The following KCNJ15 variants were observed in gnomAD, a reference collection of about 807,000 sequenced individuals.
The protein encoded by KCNJ15 is ATP-sensitive inward rectifier potassium channel 15.
In KCNJ15, 14 loss-of-function variants were observed where a neutral mutation model predicts 23.0. The ratio of observed to expected loss-of-function variants is 0.61; its 90% CI spans 0.40 to 0.95. The LOEUF (loss-of-function observed/expected upper bound fraction) is 0.95, where lower values mean the gene tolerates loss of function less well. Among genes scored for constraint, KCNJ15 ranks in the 40% least tolerant of loss-of-function variants. KCNJ15 has a pLI of 0.00. For missense variants in KCNJ15, 388 were observed against 461.8 expected (o/e 0.84, Z 1.46); for synonymous variants, 185 against 183.2 (o/e 1.01, Z -0.08).
rs1483310902 is a variant in KCNJ15 at position 38,244,678 on chromosome 21, C to A, written c.-398-12368C>A. Among the ~76,000 whole-genome samples the A allele has an allele frequency of 2.6e-5, 4 of 152,168 alleles. No homozygotes were observed. In the South Asian group the frequency reaches 8.3e-4, roughly 31 times the overall value. On this transcript the variant is annotated intron_variant, in intron 1 of 4. Coordinates refer to the KCNJ15 transcript ENST00000547341. ...CTAACCATGCCAAAAACATCATTATCTCTGGTTCCATCTTAGTCCCTGCAC... is the reference window on the plus strand; with the variant it reads ...CTAACCATGCCAAAAACATCATTATATCTGGTTCCATCTTAGTCCCTGCAC...
chr21:38,302,271 G>A lies in KCNJ15; in HGVS notation c.*1882G>A, dbSNP rs989997803. 2 of 152,214 alleles carry A rather than the reference G, an allele frequency of 1.3e-5. No homozygotes were observed. The highest frequency in any genetic ancestry group is 4.8e-5 in the African/African-American group (2 of 41,454). The allele number at this position is 152,214 out of a possible 1,614,324, so 9.4% of individuals were successfully genotyped here. A position where few individuals can be genotyped will look rare whatever the true frequency, so the allele number is the denominator to read the frequency against. On this transcript the variant is annotated 3_prime_UTR_variant, in exon 3 of 3. Transcript: ENST00000398938. ...GATTCAGGTTATCAGTGAAATGATG[G>A]TATAGATTACAGCAAATCTGGATAT...
chr21:38,263,873 A>G (rs1981185737), intron 1 of KCNJ15, among the ~76,000 whole-genome samples: 1 of 152,096 alleles, frequency 6.6e-6, no homozygotes. Flanking sequence ...CCTTATTCCT[A>G]AAAGAATTTA....
intron 1 of KCNJ15, among the ~76,000 whole-genome samples, chr21:38,278,600 T>C (rs1982983749): frequency 1.3e-5 from 2 of 152,078 alleles, no homozygotes. Context: ...TAGGCAATCA[T>C]GTAGAGAAAG....
At chr21:38,238,455 C>A in intron 1 of KCNJ15, 1 of 664,622 alleles carries the variant, frequency 1.5e-6, no homozygotes. Context: ...TGTCCTTGGC[C>A]TGGCGGTCTC....
chr21:38,290,858 C>T (rs895020609), intron 1 of KCNJ15, among the ~76,000 whole-genome samples: 4 of 152,082 alleles, frequency 2.6e-5, no homozygotes, highest in Non-Finnish European at 4.4e-5. Flanking sequence ...TTGTTTCCAG[C>T]TCTAACCTTG....
intron 1 of KCNJ15, among the ~76,000 whole-genome samples, chr21:38,264,005 A>G (rs1007011915): frequency 3.3e-5 from 5 of 152,182 alleles, no homozygotes; most frequent in African/African-American, 9.7e-5. Flanking sequence ...AATTTGAACT[A>G]TTTTTAAAAA....
Position 38,251,660 on chromosome 21 carries a change from A to AT in KCNJ15, c.-398-5380dup, listed in dbSNP as rs532635336. Among the ~76,000 whole-genome samples the AT allele has an allele frequency of 1.1e-4, 16 of 152,252 alleles. No homozygotes were observed. The East Asian group carries it at 3.1e-3, about 29-fold the overall frequency. Reference sequence around the variant, plus strand: ...GTATTAATGCTTTCATTTTCCAATTATTTTTTATTGCATTTAACAGCTGAC... The same window carrying AT: ...GTATTAATGCTTTCATTTTCCAATTATTTTTTTATTGCATTTAACAGCTGAC... On this transcript the variant is annotated intron_variant, in intron 1 of 4. Coordinates refer to the KCNJ15 transcript ENST00000547341.
Position 38,279,081 on chromosome 21 carries a change from C to T in KCNJ15, c.-116-17845C>T, listed in dbSNP as rs929521866. Among the ~76,000 whole-genome samples, 8 of 152,230 alleles carry T rather than the reference C, an allele frequency of 5.3e-5. 1 individual carries two copies. Among genetic ancestry groups the T allele is most frequent in the South Asian group, 4.1e-4 (2 of 4,822 alleles). ...AAGAAAATGTGTGGATCTAAACCAA[C>T]GCAGTGACAGTGGGAAGGGAGAAAA... On this transcript the variant is annotated intron_variant, in intron 1 of 2. Coordinates refer to ENST00000398938, the MANE Select transcript of KCNJ15 (RefSeq NM_170736.3).
intron 1 of KCNJ15, among the ~76,000 whole-genome samples, chr21:38,250,509 C>A (rs1979751782): frequency 1.3e-5 from 2 of 152,180 alleles, no homozygotes; most frequent in Admixed American, 6.5e-5. Context: ...GGGGCCTGAT[C>A]TATGCTCAGG....
At chr21:38,236,891 A>G (rs548677412) in intron 1 of KCNJ15, among the ~76,000 whole-genome samples, 3 of 152,286 alleles carry the variant, frequency 2.0e-5, no homozygotes, top group Non-Finnish European at 2.9e-5. Flanking sequence ...TTCAACTATA[A>G]GCGGCTGCAC....
intron 1 of KCNJ15, among the ~76,000 whole-genome samples, chr21:38,232,805 G>A (rs923594613): frequency 6.6e-6 from 1 of 151,668 alleles, no homozygotes; most frequent in Non-Finnish European, 1.5e-5. Flanking sequence ...CAATGTCATT[G>A]GAGAATATAC....
Position 38,299,362 on chromosome 21 carries a change from GGCACA to G in KCNJ15, c.105_109del (p.His35GlnfsTer5). On this transcript the variant is annotated frameshift_variant, in exon 3 of 3. Transcript: ENST00000398938. LOFTEE classifies it high-confidence loss of function. This position sits in a 1 kb window ranked among gnomAD's most constrained non-coding sequence, Gnocchi z 4.5. Reference sequence around the variant, plus strand: ...AGACCCCGCGTCATGTCCAAGAGTGGGCACAGCAACGTGAGAATTGACAAAGTGGA... The same window carrying G: ...AGACCCCGCGTCATGTCCAAGAGTGGGCAACGTGAGAATTGACAAAGTGGA... 1 of 1,614,152 alleles carries G rather than the reference GGCACA, an allele frequency of 6.2e-7. No homozygotes were observed. Among genetic ancestry groups the G allele is most frequent in the South Asian group, 1.1e-5 (1 of 91,082 alleles).
chr21:38,267,477 A>G (rs989515757), intron 1 of KCNJ15: 3 of 152,292 alleles, frequency 2.0e-5, no homozygotes, highest in Non-Finnish European at 4.4e-5. Flanking sequence ...AGGATGGGGA[A>G]GAAGAAAAAC....
At position 38,303,721 on chromosome 21, in the gene KCNJ15, C is replaced by T. The variant is rs922787875; in HGVS notation, c.*3332C>T. The T allele has an allele frequency of 6.6e-6, 1 of 152,022 alleles. No individual in the cohort carries two copies. Among genetic ancestry groups the T allele is most frequent in the African/African-American group, 2.4e-5 (1 of 41,370 alleles). 9.4% of individuals were successfully genotyped at this position (152,022 alleles called of 1,614,324 possible). On this transcript the variant is annotated 3_prime_UTR_variant, in exon 3 of 3. Transcript: ENST00000398938. ...GGATTTTTATTTGAATTAAATTTCCCAATTTTTAATAGACTGTGATTTCAA... is the reference window on the plus strand; with the variant it reads ...GGATTTTTATTTGAATTAAATTTCCTAATTTTTAATAGACTGTGATTTCAA...
chr21:38,288,018 GTTTTTTTCTTTGTTTTTT>G (rs970946822), intron 1 of KCNJ15, among the ~76,000 whole-genome samples: 1 of 26,018 alleles, frequency 3.8e-5, no homozygotes, highest in Non-Finnish European at 1.0e-4. Context: ...TAAATAACTT[GTTTTTTTCTTTGTTTTTT>G]TTTTTTTTTT....
chr21:38,243,494 T>A (rs1039171670), intron 1 of KCNJ15, among the ~76,000 whole-genome samples: 64 of 152,264 alleles, frequency 4.2e-4, no homozygotes, highest in Admixed American at 7.8e-4. Flanking sequence ...TGATCTCGGC[T>A]CACTGCAACC....
intron 1 of KCNJ15, among the ~76,000 whole-genome samples, chr21:38,265,666 T>A (rs959617178): frequency 6.6e-6 from 1 of 152,192 alleles, no homozygotes; most frequent in African/African-American, 2.4e-5. Context: ...TTAGAAGATA[T>A]AAGTGACATC....
At chr21:38,257,445 C>T (rs879476486) in intron 1 of KCNJ15, among the ~76,000 whole-genome samples, 5 of 152,114 alleles carry the variant, frequency 3.3e-5, no homozygotes, top group African/African-American at 4.8e-5. Flanking sequence ...GTCTTGTTTG[C>T]GGTGGGTGTA....
rs532437501 is a variant in KCNJ15 at position 38,286,229 on chromosome 21, C to T, written c.-116-10697C>T. On this transcript the variant is annotated intron_variant, in intron 1 of 2. Coordinates refer to ENST00000398938, the MANE Select transcript of KCNJ15 (RefSeq NM_170736.3). ...CTGCACTCCAGCCCAGGTGACAGAGCGAGACTCCGTCTCAAACAAAAAAAC... is the reference window on the plus strand; with the variant it reads ...CTGCACTCCAGCCCAGGTGACAGAGTGAGACTCCGTCTCAAACAAAAAAAC... 4.6e-5 allele frequency among the ~76,000 whole-genome samples: 7 copies of T among 152,144 alleles called. No individual in the cohort carries two copies. The East Asian group carries it at 5.8e-4, about 13-fold the overall frequency.
Sources: gnomAD v4.1 joint callset for allele counts (sites outside exome capture counted in the v4.1 genomes callset) on GRCh38, gnomAD v4.1.1 for gene constraint, Gnocchi (gnomAD v3.1) non-coding constraint, MANE v1.5 for transcripts, NCBI Gene and HGNC (gene_info 2026-07-23, HGNC 2026-07-21) for gene names.